The following MEGF10 variants were observed in gnomAD, a reference collection of about 807,000 sequenced individuals.
MEGF10 encodes multiple epidermal growth factor-like domains protein 10.
Under a neutral mutation model 147.5 loss-of-function variants are expected in MEGF10, and 86 were observed. The ratio of observed to expected loss-of-function variants is 0.58; its 90% confidence interval spans 0.49 to 0.70. MEGF10 has a LOEUF of 0.70. Among genes scored for constraint, MEGF10 ranks in the 30% least tolerant of loss-of-function variants. The pLI is 0.00. For synonymous variants in MEGF10, 478 were observed against 525.5 expected (o/e 0.91, Z 1.24); for missense variants, 1,329 against 1,487.3 (o/e 0.89, Z 1.75).
chr5:127,270,352 G>C, the MEGF10 span, among the ~76,000 whole-genome samples: 3 of 152,158 alleles, frequency 2.0e-5, no homozygotes, highest in Admixed American at 6.5e-5. Flanking sequence ...CATGTGCAGA[G>C]ACACACATAG....
In MEGF10 at chr5:127,398,761, G is replaced by A. The variant is rs370717384; in HGVS notation, c.745G>A (p.Val249Ile). 18 of 1,613,784 alleles carry A rather than the reference G, an allele frequency of 1.1e-5. No individual in the cohort carries two copies. The highest frequency in any genetic ancestry group is 6.7e-5 in the Admixed American group (4 of 59,990). ...PCQNGGVCHH[V>I]TGECSCPSGW... ...TCAAAATGGAGGAGTGTGTCATCAC[G>A]TCACTGGAGAATGCTCTTGCCCTTC... The change falls in exon 7 of 25, where the codon GTC becomes ATC. Residue 249 changes from valine (V) to isoleucine (I), a missense_variant. This residue lies in a region of MEGF10 where 980 missense variants were observed against 1,085.9 expected (regional missense o/e 0.90). Transcript: ENST00000503335.
intron 2 of MEGF10, among the ~76,000 whole-genome samples, 173 bp from the exon 3 acceptor site, chr5:127,338,947 C>G (rs939433979): frequency 3.3e-5 from 5 of 151,858 alleles, no homozygotes; most frequent in East Asian, 3.9e-4. Context: ...TAAAATTGAT[C>G]CTTTTGGGGT....
chr5:127,245,577 G>T, the MEGF10 span, among the ~76,000 whole-genome samples: 1 of 152,106 alleles, frequency 6.6e-6, no homozygotes, highest in East Asian at 1.9e-4. Context: ...AACACCAAAC[G>T]CAATGGCAAC....
intron 18 of MEGF10, among the ~76,000 whole-genome samples, chr5:127,442,797 A>G (rs1292338469): frequency 6.6e-6 from 1 of 152,196 alleles, no homozygotes; most frequent in East Asian, 1.9e-4. Context: ...CCCTGTCTCT[A>G]GCCCTGTGCA....
At chr5:127,256,599 C>A in the MEGF10 span, among the ~76,000 whole-genome samples, 2 of 152,144 alleles carry the variant, frequency 1.3e-5, no homozygotes, top group Admixed American at 1.3e-4. Flanking sequence ...CTCTCCCTTG[C>A]AGTGAGACCC....
intron 1 of MEGF10, among the ~76,000 whole-genome samples, chr5:127,315,979 T>A (rs1760531663): frequency 6.6e-6 from 1 of 152,186 alleles, no homozygotes; most frequent in Non-Finnish European, 1.5e-5. Context: ...TAGGGTATAT[T>A]CCCACACATT....
intron 1 of MEGF10, among the ~76,000 whole-genome samples, chr5:127,316,213 G>A (rs1418701831): frequency 6.6e-6 from 1 of 152,118 alleles, no homozygotes; most frequent in Non-Finnish European, 1.5e-5. Context: ...GCCCCTCCTG[G>A]ATGCTCCCTT....
At chr5:127,245,921 G>A in the MEGF10 span, among the ~76,000 whole-genome samples, 2 of 152,218 alleles carry the variant, frequency 1.3e-5, no homozygotes, top group East Asian at 3.9e-4. Context: ...TCTCACGCCA[G>A]TTAGAATGGT....
At chr5:127,353,646 C>G (rs979629616) in intron 4 of MEGF10, among the ~76,000 whole-genome samples, 15 of 152,232 alleles carry the variant, frequency 9.9e-5, no homozygotes, top group Non-Finnish European at 2.1e-4. Flanking sequence ...AGCTCCCATT[C>G]TCTTTGCCCC....
intron 13 of MEGF10, chr5:127,424,240 T>C: frequency 1.5e-6 from 1 of 668,644 alleles, no homozygotes; most frequent in Non-Finnish European, 2.7e-6. Flanking sequence ...TATATATCTC[T>C]CCTTATGCCA....
chr5:127,391,038 T>G (rs1763639091), intron 5 of MEGF10, among the ~76,000 whole-genome samples: 1 of 151,780 alleles, frequency 6.6e-6, no homozygotes, highest in African/African-American at 2.4e-5. Flanking sequence ...CTATTTATCT[T>G]TTATGAACGG....
chr5:127,378,520 A>G (rs1317946181), intron 5 of MEGF10, among the ~76,000 whole-genome samples: 1 of 152,148 alleles, frequency 6.6e-6, no homozygotes, highest in Non-Finnish European at 1.5e-5. Flanking sequence ...TGGTGTGACC[A>G]TAGCTCACTG....
intron 13 of MEGF10, among the ~76,000 whole-genome samples, chr5:127,432,078 T>C (rs1450871490): frequency 5.9e-5 from 9 of 152,228 alleles, no homozygotes; most frequent in Admixed American, 5.2e-4. Flanking sequence ...TGGTCTCCTT[T>C]CTTCAGCCCA....
At position 127,454,565 on chromosome 5, in the gene MEGF10, G is replaced by T; in HGVS notation, c.2981-1G>T. The T allele has an allele frequency of 6.2e-7, 1 of 1,607,154 alleles. No individual in the cohort carries two copies. Among genetic ancestry groups the T allele is most frequent in the Non-Finnish European group, 8.5e-7 (1 of 1,177,770 alleles). On this transcript the variant is annotated splice_acceptor_variant, in intron 22 of 24. Transcript: ENST00000503335. LOFTEE classifies it high-confidence loss of function. ...GTGTTTTTTTTCTTCCTTTATTACA[G>T]GTGCTTTTGGACTTGACAGAAGCTA...
At chr5:127,403,030 A>T (rs1242653202) in intron 8 of MEGF10, among the ~76,000 whole-genome samples, 1 of 152,182 alleles carries the variant, frequency 6.6e-6, no homozygotes, top group Non-Finnish European at 1.5e-5. Flanking sequence ...TTTAAATGGG[A>T]TGTGTACTTA....
chr5:127,281,579 C>G, the MEGF10 span, among the ~76,000 whole-genome samples: 1 of 152,108 alleles, frequency 6.6e-6, no homozygotes, highest in African/African-American at 2.4e-5. Flanking sequence ...CTCTCCTGCT[C>G]CTCTGCTTCC....
At chr5:127,304,928 A>T (rs559999947) in intron 1 of MEGF10, among the ~76,000 whole-genome samples, 11 of 152,352 alleles carry the variant, frequency 7.2e-5, no homozygotes, top group African/African-American at 1.9e-4. Context: ...CAGAACCATA[A>T]GAAATAAATT....
chr5:127,268,113 T>C, the MEGF10 span, among the ~76,000 whole-genome samples: 3 of 152,216 alleles, frequency 2.0e-5, no homozygotes, highest in African/African-American at 7.2e-5. Context: ...GATTCTGGTA[T>C]GTTGTGTCTT....
chr5:127,308,173 T>C (rs1459357265), intron 1 of MEGF10, among the ~76,000 whole-genome samples: 1 of 152,226 alleles, frequency 6.6e-6, no homozygotes, highest in Non-Finnish European at 1.5e-5. Flanking sequence ...TTTTTTGTAA[T>C]CTTAACTTCA....
Sources: allele counts gnomAD v4.1 joint callset (sites outside exome capture counted in the v4.1 genomes callset), GRCh38; gene constraint gnomAD v4.1.1; regional missense constraint gnomAD v4.1.1; transcripts MANE v1.5; gene names NCBI Gene and HGNC (gene_info 2026-07-23, HGNC 2026-07-21).